KIAA0586: variants seen among roughly 807,000 people sequenced by gnomAD.
The protein encoded by KIAA0586 is KIAA0586, also known as protein TALPID3.
A neutral mutation model predicts 169.8 loss-of-function variants in KIAA0586; 144 were observed. The observed-to-expected ratio is 0.85, with a 90% CI of 0.74 to 0.97. KIAA0586 has a LOEUF of 0.97. Ranked by LOEUF, KIAA0586 falls within the 50% of genes least tolerant of loss-of-function variation. KIAA0586 has a pLI of 0.00. For missense variants in KIAA0586, 1,854 were observed against 1,823.0 expected (o/e 1.02, Z -0.31); for synonymous variants, 625 against 612.4 (o/e 1.02, Z -0.30).
rs1204333290 is a variant in KIAA0586 at position 58,427,818 on chromosome 14, G to A, written c.-447G>A. On this transcript the variant is annotated 5_prime_UTR_variant, in exon 1 of 31. Transcript: ENST00000652326. ...CCGACGATTGCATCTGGAGGGGTGT[G>A]TAAGACTCTGTGGCTGAAGAAAGCT... is the stretch of plus-strand genomic sequence containing the variant. 1.4e-6 allele frequency: 2 copies of A among 1,463,734 alleles called. No individual in the cohort carries two copies. The highest frequency in any genetic ancestry group is 1.8e-6 in the Non-Finnish European group (2 of 1,111,724). The allele number at this position is 1,463,734 out of a possible 1,614,324, so 90.7% of individuals were successfully genotyped here.
intron 26 of KIAA0586, 65 bp downstream of exon 26, chr14:58,492,340 C>G: frequency 7.1e-7 from 1 of 1,407,068 alleles, no homozygotes; most frequent in Non-Finnish European, 9.5e-7. Context: ...TTAAAATATT[C>G]TTACTACTAG....
At position 58,534,831 on chromosome 14, in the gene KIAA0586, C is replaced by G. The variant is rs371985967; in HGVS notation, c.4430-5240C>G. ...AGGTATCATCTTTTAATTGCTGAAA[C>G]TGCCCTATTGGTTTCTTCCATTTTA... On this transcript the variant is annotated intron_variant, in intron 29 of 30. Coordinates refer to ENST00000652326, the MANE Select transcript of KIAA0586 (RefSeq NM_001329943.3). 2.6e-5 allele frequency among the ~76,000 whole-genome samples: 4 copies of G among 152,158 alleles called. No individual in the cohort carries two copies. The South Asian group carries it at 6.2e-4, about 24-fold the overall frequency.
At chr14:58,442,225 T>A (rs2038449938) in intron 4 of KIAA0586, among the ~76,000 whole-genome samples, 1 of 152,186 alleles carries the variant, frequency 6.6e-6, no homozygotes, top group Admixed American at 6.5e-5. Context: ...TTCTCCTGCC[T>A]CAGCCTCCTG....
At chr14:58,429,759 CAACT>C (rs2037205851) in intron 2 of KIAA0586, among the ~76,000 whole-genome samples, 1 of 152,098 alleles carries the variant, frequency 6.6e-6, no homozygotes, top group Admixed American at 6.6e-5. Flanking sequence ...AGAAAAGGAA[CAACT>C]AACAGTACAA....
chr14:58,490,502 T>C (rs2042769345), intron 25 of KIAA0586, among the ~76,000 whole-genome samples: 1 of 152,214 alleles, frequency 6.6e-6, no homozygotes, highest in Admixed American at 6.5e-5. Flanking sequence ...GAAATCTAGC[T>C]GATTGCAAAT....
intron 29 of KIAA0586, among the ~76,000 whole-genome samples, chr14:58,538,009 A>G (rs189277093): frequency 3.5e-4 from 53 of 152,284 alleles, no homozygotes; most frequent in Non-Finnish European, 1.6e-4. Flanking sequence ...TGAGCTGGGC[A>G]TGGTGACAGA....
At chr14:58,493,290 G>C (rs893987189) in intron 26 of KIAA0586, among the ~76,000 whole-genome samples, 14 of 152,180 alleles carry the variant, frequency 9.2e-5, no homozygotes, top group Non-Finnish European at 1.5e-5. Context: ...TGATTATAGA[G>C]TTGTTGGCTT....
chr14:58,441,617 A>G (rs1450693964), intron 4 of KIAA0586, among the ~76,000 whole-genome samples: 1 of 152,114 alleles, frequency 6.6e-6, no homozygotes, highest in Non-Finnish European at 1.5e-5. Flanking sequence ...ACAGTCAGTT[A>G]CAGACCAAAC....
At chr14:58,499,046 G>A in intron 27 of KIAA0586, 86 bp downstream of exon 27, 1 of 1,219,144 alleles carries the variant, frequency 8.2e-7, no homozygotes, top group Non-Finnish European at 1.1e-6. Context: ...TCAGATAGGG[G>A]CTTGCAAAAT....
chr14:58,537,708 C>T (rs1391690728), intron 29 of KIAA0586, among the ~76,000 whole-genome samples: 12 of 151,952 alleles, frequency 7.9e-5, no homozygotes, highest in South Asian at 4.2e-4. Flanking sequence ...AGTGCAGTGG[C>T]GTGATCTTGG....
chr14:58,504,620 G>C (rs74868161), intron 27 of KIAA0586, among the ~76,000 whole-genome samples: 5,681 of 152,188 alleles, frequency 0.037, 148 homozygotes, highest in Non-Finnish European at 0.056. Context: ...AGTAAAATTA[G>C]GGATTTCTAG....
intron 29 of KIAA0586, chr14:58,521,114 G>A (rs555825206): frequency 4.9e-5 from 23 of 472,070 alleles, no homozygotes; most frequent in South Asian, 2.8e-4. Context: ...CATAGTACCC[G>A]GGAATAGGAG....
chr14:58,512,498 G>T, intron 28 of KIAA0586, 24 bp from the exon 29 acceptor site: 1 of 1,219,086 alleles, frequency 8.2e-7, no homozygotes, highest in East Asian at 3.0e-5. Context: ...ATAATATTAT[G>T]ACTTCATATC....
At chr14:58,515,681 G>A (rs2044702156) in intron 29 of KIAA0586, among the ~76,000 whole-genome samples, 1 of 151,830 alleles carries the variant, frequency 6.6e-6, no homozygotes, top group Admixed American at 6.6e-5. Context: ...ATCTCTGATA[G>A]GGAGGGGTTG....
In KIAA0586 at chr14:58,488,809, CTT is replaced by C. The variant is rs774914799; in HGVS notation, c.3718_3719del (p.Leu1240ArgfsTer2). 1.2e-6 allele frequency: 2 copies of C among 1,613,734 alleles called. No individual in the cohort carries two copies. Among genetic ancestry groups the C allele is most frequent in the African/African-American group, 2.7e-5 (2 of 74,894 alleles). ...AGTGTTACTGTCACTGAAACTGAAA[CTT>C]TAGATAAACCCATCTCTGAAGGAGA... On this transcript the variant is annotated frameshift_variant, in exon 24 of 31. Transcript: ENST00000652326. LOFTEE classifies it high-confidence loss of function.
At chr14:58,521,702 C>T (rs1248018650) in intron 29 of KIAA0586, 1 of 882,776 alleles carries the variant, frequency 1.1e-6, no homozygotes, top group Admixed American at 1.7e-5. Flanking sequence ...AGTGGATTCT[C>T]TCTTAGAAAA....
At chr14:58,457,623 T>C in intron 10 of KIAA0586, 136 bp from the exon 11 acceptor site, 1 of 594,056 alleles carries the variant, frequency 1.7e-6, no homozygotes, top group African/African-American at 1.9e-5. Context: ...TATTCTTTTG[T>C]AAGTCTTCAG....
the KIAA0586 span, among the ~76,000 whole-genome samples, chr14:58,561,341 A>G: frequency 6.6e-6 from 1 of 152,256 alleles, no homozygotes; most frequent in Non-Finnish European, 1.5e-5. Flanking sequence ...AAGATTTTAA[A>G]GAAAAAATGA....
At chr14:58,518,242 A>C (rs960490936) in intron 29 of KIAA0586, among the ~76,000 whole-genome samples, 1 of 152,218 alleles carries the variant, frequency 6.6e-6, no homozygotes, top group Non-Finnish European at 1.5e-5. Flanking sequence ...TAAATGTGAT[A>C]CTGTATTACA....
Sources: gnomAD v4.1 joint callset for allele counts (sites outside exome capture counted in the v4.1 genomes callset) on GRCh38, gnomAD v4.1.1 for gene constraint, MANE v1.5 for transcripts, NCBI Gene and HGNC (gene_info 2026-07-23, HGNC 2026-07-21) for gene names.